KCNQ5: variants seen among roughly 807,000 people sequenced by gnomAD.
KCNQ5 encodes the protein potassium voltage-gated channel subfamily Q member 5, also known as potassium voltage-gated channel subfamily KQT member 5.
In KCNQ5, 30 loss-of-function variants were observed where a neutral mutation model predicts 98.2. The ratio of observed to expected loss-of-function variants is 0.31; its 90% CI spans 0.23 to 0.41. KCNQ5 has a LOEUF of 0.41. KCNQ5 is among the 10% of genes least tolerant of loss of function. The pLI is 1.00. For synonymous variants in KCNQ5, 458 were observed against 449.4 expected (o/e 1.02, Z -0.24); for missense variants, 835 against 1,182.5 (o/e 0.71, Z 4.31).
At chr6:73,077,727 C>G (rs1773593755) in intron 4 of KCNQ5, 35 bp from the exon 5 acceptor site, 2 of 1,572,386 alleles carry the variant, frequency 1.3e-6, no homozygotes, top group East Asian at 2.2e-5. Flanking sequence ...AAAGATTTCC[C>G]ACCTCTAAAA....
chr6:72,654,331 C>T lies in KCNQ5; in HGVS notation c.398+31744C>T, dbSNP rs79210279. 3.1e-3 allele frequency among the ~76,000 whole-genome samples: 471 copies of T among 152,060 alleles called. 2 individuals carry two copies. The highest frequency in any genetic ancestry group is 0.01 in the African/African-American group (432 of 41,528). ...TGTAGTGAAGATGGACTGTAGTCAT[C>T]TCATGAATTGGACCAGAACTTTAAC... is the stretch of plus-strand genomic sequence containing the variant. On this transcript the variant is annotated intron_variant, in intron 1 of 13. Transcript: ENST00000370398.
At chr6:72,850,705 A>G (rs1777218264) in intron 1 of KCNQ5, among the ~76,000 whole-genome samples, 1 of 152,144 alleles carries the variant, frequency 6.6e-6, no homozygotes, top group Admixed American at 6.6e-5. Flanking sequence ...TTCTCTAAAC[A>G]ACCAGGTTTT....
intron 1 of KCNQ5, among the ~76,000 whole-genome samples, chr6:72,838,928 C>T (rs1008718278): frequency 1.1e-4 from 13 of 113,862 alleles, no homozygotes; most frequent in Admixed American, 3.7e-4. Flanking sequence ...CCAGCCTGGG[C>T]GACAGAGCGA....
chr6:73,022,577 C>G (rs966933714), intron 2 of KCNQ5, among the ~76,000 whole-genome samples: 1 of 151,998 alleles, frequency 6.6e-6, no homozygotes, highest in African/African-American at 2.4e-5. Context: ...CCACTGCACA[C>G]CAGCCTGGGT....
chr6:73,095,429 A>T (rs1377889621), intron 5 of KCNQ5, among the ~76,000 whole-genome samples: 1 of 152,130 alleles, frequency 6.6e-6, no homozygotes, highest in Non-Finnish European at 1.5e-5. Flanking sequence ...CAGGCAAATC[A>T]GGGATTTCTT....
At chr6:72,863,171 C>T (rs2150154719) in intron 1 of KCNQ5, among the ~76,000 whole-genome samples, 1 of 152,224 alleles carries the variant, frequency 6.6e-6, no homozygotes, top group Non-Finnish European at 1.5e-5. Flanking sequence ...TAGATGGGAA[C>T]ATAGGAAAAG....
chr6:72,970,296 C>T (rs1250851409), intron 1 of KCNQ5, among the ~76,000 whole-genome samples: 4 of 151,942 alleles, frequency 2.6e-5, no homozygotes, highest in Non-Finnish European at 5.9e-5. Flanking sequence ...AACTAGTCCC[C>T]CATAATTCAA....
At chr6:72,651,937 T>C (rs1411669488) in intron 1 of KCNQ5, among the ~76,000 whole-genome samples, 2 of 152,076 alleles carry the variant, frequency 1.3e-5, no homozygotes, top group Non-Finnish European at 2.9e-5. Flanking sequence ...TATAATGCTG[T>C]TGTAAAACTC....
At chr6:73,001,761 G>A (rs534132320) in intron 1 of KCNQ5, among the ~76,000 whole-genome samples, 1 of 152,276 alleles carries the variant, frequency 6.6e-6, no homozygotes, top group South Asian at 2.1e-4. Flanking sequence ...AGGTGCACTG[G>A]ATTTTGACCA....
chr6:73,049,664 G>A, intron 3 of KCNQ5, among the ~76,000 whole-genome samples: 1 of 152,234 alleles, frequency 6.6e-6, no homozygotes, highest in East Asian at 1.9e-4. Flanking sequence ...ACATAGATTA[G>A]CAACTGTCTT....
chr6:72,978,564 T>A (rs1213842285), intron 1 of KCNQ5, among the ~76,000 whole-genome samples: 1 of 152,234 alleles, frequency 6.6e-6, no homozygotes, highest in Non-Finnish European at 1.5e-5. Flanking sequence ...AAGAAGAATC[T>A]GGACTTTCCC....
At chr6:72,994,933 T>C (rs1191621082) in intron 1 of KCNQ5, among the ~76,000 whole-genome samples, 1 of 152,122 alleles carries the variant, frequency 6.6e-6, no homozygotes, top group African/African-American at 2.4e-5. Flanking sequence ...AAAAATGTGA[T>C]GAATGCCAAA....
chr6:73,034,342 T>TA (rs1771293682), intron 2 of KCNQ5, among the ~76,000 whole-genome samples: 1 of 152,218 alleles, frequency 6.6e-6, no homozygotes, highest in East Asian at 1.9e-4. Context: ...ATATTCTGAA[T>TA]AAAAGCAATA....
intron 1 of KCNQ5, among the ~76,000 whole-genome samples, chr6:72,733,928 G>C (rs746020531): frequency 8.5e-5 from 13 of 152,270 alleles, no homozygotes; most frequent in African/African-American, 2.9e-4. Context: ...AGTAATTCAG[G>C]TATAAGGTAG....
chr6:73,182,148 G>A (rs1778421988), intron 11 of KCNQ5, among the ~76,000 whole-genome samples: 1 of 152,022 alleles, frequency 6.6e-6, no homozygotes, highest in South Asian at 2.1e-4. Context: ...CTAAACCAGG[G>A]GTCAGCAAAC....
At chr6:72,996,260 A>T (rs934062600) in intron 1 of KCNQ5, among the ~76,000 whole-genome samples, 56 of 152,346 alleles carry the variant, frequency 3.7e-4, no homozygotes, top group African/African-American at 1.0e-3. Context: ...GTGGGTCCCA[A>T]ATTCACCTTT....
intron 1 of KCNQ5, among the ~76,000 whole-genome samples, chr6:72,866,147 G>A (rs1218919272): frequency 1.3e-5 from 2 of 151,728 alleles, no homozygotes; most frequent in African/African-American, 2.4e-5. Flanking sequence ...CAGAGGCAAG[G>A]TTGAAATCAT....
At chr6:72,835,628 A>G (rs1776472992) in intron 1 of KCNQ5, among the ~76,000 whole-genome samples, 1 of 152,172 alleles carries the variant, frequency 6.6e-6, no homozygotes. Flanking sequence ...CAAGTGTCAT[A>G]CATGTATTTC....
At chr6:73,141,820 A>G (rs1776723833) in intron 10 of KCNQ5, among the ~76,000 whole-genome samples, 2 of 152,230 alleles carry the variant, frequency 1.3e-5, no homozygotes, top group Non-Finnish European at 2.9e-5. Flanking sequence ...ATGAATCTGA[A>G]TGCTGTATTA....
Sources: gnomAD v4.1 joint callset for allele counts (sites outside exome capture counted in the v4.1 genomes callset) on GRCh38, gnomAD v4.1.1 for gene constraint, MANE v1.5 for transcripts, NCBI Gene and HGNC (gene_info 2026-07-23, HGNC 2026-07-21) for gene names.